The following LRPPRC variants were observed in gnomAD, a reference collection of about 807,000 sequenced individuals.
LRPPRC encodes leucine-rich PPR motif-containing protein, mitochondrial.
LRPPRC carries 120 observed loss-of-function variants against 180.3 expected under a neutral mutation model. The ratio of observed to expected loss-of-function variants is 0.67; its 90% confidence interval spans 0.57 to 0.77. LRPPRC has a LOEUF of 0.77. LRPPRC is among the 30% of genes least tolerant of loss of function. The probability of loss-of-function intolerance (pLI) is 0.00; values close to 1 mark genes in which losing one functional copy is unlikely to be tolerated. For synonymous variants in LRPPRC, 723 were observed against 600.0 expected (o/e 1.21, Z -3.00); for missense variants, 2,012 against 1,657.2 (o/e 1.21, Z -3.72).
chr2:43,983,893 C>G (rs1262904037), intron 1 of LRPPRC, among the ~76,000 whole-genome samples: 2 of 152,086 alleles, frequency 1.3e-5, no homozygotes, highest in Non-Finnish European at 2.9e-5. Context: ...TGGGAGAAAT[C>G]ATGACTCTAA....
chr2:43,893,019 G>C (rs918038824), intron 36 of LRPPRC, among the ~76,000 whole-genome samples: 1 of 152,156 alleles, frequency 6.6e-6, no homozygotes, highest in Non-Finnish European at 1.5e-5. Context: ...AACCCCTTGA[G>C]GGTCTCAAGA....
At chr2:43,912,036 T>G (rs983914731) in intron 30 of LRPPRC, among the ~76,000 whole-genome samples, 10 of 152,190 alleles carry the variant, frequency 6.6e-5, no homozygotes, top group Admixed American at 2.6e-4. Flanking sequence ...GTCACAGAAC[T>G]TTTAAGTAAG....
intron 26 of LRPPRC, 105 bp from the exon 27 acceptor site, chr2:43,925,262 C>T: frequency 1.3e-6 from 1 of 772,752 alleles, no homozygotes; most frequent in Non-Finnish European, 2.4e-6. Context: ...ACCAAAAGGG[C>T]AGTTGAACTT....
intron 29 of LRPPRC, among the ~76,000 whole-genome samples, chr2:43,914,398 G>A (rs139647090): frequency 6.6e-6 from 1 of 151,890 alleles, no homozygotes; most frequent in South Asian, 2.1e-4. Context: ...CTAAACATTC[G>A]AATCCTGAGA....
intron 37 of LRPPRC, among the ~76,000 whole-genome samples, chr2:43,889,122 G>GT (rs1258379024): frequency 6.6e-6 from 1 of 151,884 alleles, no homozygotes; most frequent in Admixed American, 6.6e-5. Context: ...CAAGACCAGC[G>GT]TGGCCAACAT....
intron 1 of LRPPRC, among the ~76,000 whole-genome samples, chr2:43,986,791 G>A (rs1010059339): frequency 6.6e-6 from 1 of 152,130 alleles, no homozygotes; most frequent in African/African-American, 2.4e-5. Context: ...TGTTCACACT[G>A]GAAAGTGGTA....
Position 43,974,672 on chromosome 2 carries a change from A to G in LRPPRC, c.951T>C (p.Tyr317=), listed in dbSNP as rs1673969986. 1 of 1,612,196 alleles carries G rather than the reference A, an allele frequency of 6.2e-7. No homozygotes were observed. The highest frequency in any genetic ancestry group is 8.5e-7 in the Non-Finnish European group (1 of 1,178,402). The change falls in exon 8 of 38, where the codon TAT becomes TAC. Residue 317 remains tyrosine (Y), a synonymous_variant. Transcript: ENST00000260665. ...QIIFSFSKAG[Y]PQYVSEILEK... ...CCAAAATTTCTGAGACATACTGAGG[A>G]TACCCAGCTTTACTGAAGCTAAAAA...
rs973454790 is a variant in LRPPRC, at chr2:43,943,961, C to T, written c.2297-67G>A. 9.7e-6 allele frequency: 11 copies of T among 1,132,224 alleles called. No individual in the cohort carries two copies. In the African/African-American group the frequency reaches 1.4e-4, roughly 14 times the overall value. The allele number at this position is 1,132,224 out of a possible 1,614,324, so 70.1% of individuals were successfully genotyped here. On this transcript the variant is annotated intron_variant, in intron 22 of 37. Coordinates refer to ENST00000260665, the MANE Select transcript of LRPPRC (RefSeq NM_133259.4). ...TAGGGAAAACAAACTGCTATTAAAA[C>T]AGCATTTCAAGCCCAGCAGGAATGT...
At chr2:43,970,280 C>T (rs1302967560) in intron 11 of LRPPRC, among the ~76,000 whole-genome samples, 7 of 152,124 alleles carry the variant, frequency 4.6e-5, no homozygotes, top group Admixed American at 1.3e-4. Flanking sequence ...CTTACATTAT[C>T]TTTCTAACTG....
At position 43,950,590 on chromosome 2, in the gene LRPPRC, T is replaced by C. The variant is rs190262280; in HGVS notation, c.1660A>G (p.Ile554Val). The change falls in exon 15 of 38, where the codon ATA (isoleucine) becomes GTA (valine). Residue 554 changes from isoleucine (I) to valine (V), a missense_variant. By Grantham distance (29) the Ile-to-Val change is conservative. Transcript: ENST00000260665. ...GGACTTACCTCGCTCCAAAGATTTA[T>C]ATTCATAGACCTGCAGAGGGCAGCA... ...LLLGFRRSMN[I>V]NLWSEITELL... The C allele has an allele frequency of 4.3e-6, 7 of 1,613,712 alleles. No homozygotes were observed. Among genetic ancestry groups the C allele is most frequent in the East Asian group, 4.5e-5 (2 of 44,856 alleles).
At chr2:43,978,351 C>T (rs1256289957) in intron 3 of LRPPRC, among the ~76,000 whole-genome samples, 1 of 152,076 alleles carries the variant, frequency 6.6e-6, no homozygotes, top group African/African-American at 2.4e-5. Flanking sequence ...TACTGTCAAA[C>T]AGGAAAATAA....
intron 35 of LRPPRC, among the ~76,000 whole-genome samples, chr2:43,895,497 A>G (rs1198180180): frequency 6.6e-6 from 1 of 152,242 alleles, no homozygotes; most frequent in Non-Finnish European, 1.5e-5. Flanking sequence ...GCACAGTCCC[A>G]CAGGTGGACT....
At chr2:43,897,690 C>G (rs1257224046) in intron 34 of LRPPRC, among the ~76,000 whole-genome samples, 1 of 152,042 alleles carries the variant, frequency 6.6e-6, no homozygotes, top group Non-Finnish European at 1.5e-5. Context: ...CCACCAAGAG[C>G]CCTTCAGTGA....
chr2:43,918,854 T>C (rs1468316879), intron 27 of LRPPRC, among the ~76,000 whole-genome samples: 1 of 148,296 alleles, frequency 6.7e-6, no homozygotes, highest in Non-Finnish European at 1.5e-5. Context: ...TATAGAGATA[T>C]ATATATAGAT....
chr2:43,976,314 T>A, intron 5 of LRPPRC, 85 bp from the exon 6 acceptor site: 1 of 772,426 alleles, frequency 1.3e-6, no homozygotes, highest in Non-Finnish European at 2.3e-6. Context: ...CTTGAGTTAC[T>A]TTTGTTTTTA....
chr2:43,911,819 G>A (rs779286730), intron 30 of LRPPRC, among the ~76,000 whole-genome samples: 7 of 151,902 alleles, frequency 4.6e-5, no homozygotes, highest in South Asian at 2.1e-4. Context: ...GAGCCACCGC[G>A]CCCAGTCAGA....
chr2:43,921,664 G>A (rs1229435968), intron 27 of LRPPRC, among the ~76,000 whole-genome samples: 1 of 152,136 alleles, frequency 6.6e-6, no homozygotes, highest in Non-Finnish European at 1.5e-5. Context: ...AGCGGTTAGG[G>A]GGTGGTGGTG....
rs529573801 is a variant in LRPPRC, at chr2:43,961,577, T to C, written c.1489-943A>G. 3.3e-5 allele frequency among the ~76,000 whole-genome samples: 5 copies of C among 152,354 alleles called. No individual in the cohort carries two copies. In the East Asian group the frequency reaches 7.7e-4, roughly 24 times the overall value. ...CAGATTGTACAGCCCTACCACTTAC[T>C]TGTGTTCTCTAATTTATCAACAAAC... On this transcript the variant is annotated intron_variant, in intron 12 of 37. Coordinates refer to ENST00000260665, the MANE Select transcript of LRPPRC (RefSeq NM_133259.4).
intron 29 of LRPPRC, among the ~76,000 whole-genome samples, chr2:43,913,139 A>C (rs562684972): frequency 7.6e-4 from 115 of 152,310 alleles, no homozygotes; most frequent in South Asian, 4.6e-3. Flanking sequence ...AAATATACAG[A>C]TATCTAACAA....
Sources: allele counts gnomAD v4.1 joint callset (sites outside exome capture counted in the v4.1 genomes callset), GRCh38; gene constraint gnomAD v4.1.1; transcripts MANE v1.5; gene names NCBI Gene and HGNC (gene_info 2026-07-23, HGNC 2026-07-21).